Variants in GABRA3 observed in about 807,000 individuals in gnomAD.
GABRA3 encodes gamma-aminobutyric acid receptor subunit alpha-3.
Under a neutral mutation model 30.1 loss-of-function variants are expected in GABRA3, and 10 were observed. That is an observed-to-expected ratio of 0.33 (90% confidence interval 0.20 to 0.56). The LOEUF is 0.56. Ranked by LOEUF, GABRA3 falls within the 20% of genes least tolerant of loss-of-function variation. The probability of loss-of-function intolerance (pLI) is 0.89; values close to 1 mark genes in which losing one functional copy is unlikely to be tolerated. For synonymous variants in GABRA3, 151 were observed against 146.8 expected (o/e 1.03, Z -0.21); for missense variants, 233 against 392.0 (o/e 0.59, Z 3.42).
chrX:152,440,544 A>T (rs1187374066), intron 1 of GABRA3, among the ~76,000 whole-genome samples: 1 of 112,389 alleles, frequency 8.9e-6, no homozygotes, highest in Admixed American at 9.4e-5. Context: ...ATTTTAAATC[A>T]TGCTACTATA....
chrX:152,279,028 A>C (rs1467037465), intron 4 of GABRA3, among the ~76,000 whole-genome samples: 1 of 111,652 alleles, frequency 9.0e-6, no homozygotes, highest in East Asian at 2.8e-4. Flanking sequence ...TCAGATGAGT[A>C]GATTTCAAAA....
At chrX:152,238,678 A>T (rs1344642657) in intron 5 of GABRA3, among the ~76,000 whole-genome samples, 32 of 108,561 alleles carry the variant, frequency 2.9e-4, no homozygotes, top group Admixed American at 1.2e-3. Flanking sequence ...AGCTCCTGTT[A>T]TTGGTCTATT....
chrX:152,174,290 C>T (rs1937043237), intron 9 of GABRA3, among the ~76,000 whole-genome samples: 1 of 111,418 alleles, frequency 9.0e-6, no homozygotes, highest in Non-Finnish European at 1.9e-5. Context: ...ATTTATAGTC[C>T]TTTGCGTATA....
chrX:152,241,360 G>A (rs1420416509), intron 5 of GABRA3, among the ~76,000 whole-genome samples: 4 of 93,888 alleles, frequency 4.3e-5, no homozygotes, highest in Non-Finnish European at 4.8e-5. Context: ...CAGTCTGCCG[G>A]TTCTCAGATC....
chrX:152,416,751 C>A (rs1294979432), intron 1 of GABRA3, among the ~76,000 whole-genome samples: 48 of 110,689 alleles, frequency 4.3e-4, no homozygotes, highest in African/African-American at 1.5e-3. Context: ...CTTTGACAAA[C>A]CTGAGAAAAA....
chrX:152,224,219 C>A (rs1937894805), intron 6 of GABRA3, among the ~76,000 whole-genome samples: 1 of 111,991 alleles, frequency 8.9e-6, no homozygotes, highest in African/African-American at 3.2e-5. Flanking sequence ...TTTTCTAATT[C>A]ATTTGAAAAT....
intron 9 of GABRA3, among the ~76,000 whole-genome samples, chrX:152,185,800 C>A (rs1937245594): frequency 8.9e-6 from 1 of 112,144 alleles, no homozygotes; most frequent in South Asian, 3.7e-4. Context: ...TGAGCTTTTC[C>A]AGAGTTGTAG....
chrX:152,258,426 G>A (rs1938674242), intron 4 of GABRA3, among the ~76,000 whole-genome samples: 1 of 111,520 alleles, frequency 9.0e-6, no homozygotes, highest in Non-Finnish European at 1.9e-5. Flanking sequence ...ATAGTACTAT[G>A]AAGGATAAAA....
chrX:152,304,726 T>C (rs1032075409), intron 3 of GABRA3, among the ~76,000 whole-genome samples: 2 of 112,270 alleles, frequency 1.8e-5, no homozygotes, highest in Non-Finnish European at 3.8e-5. Flanking sequence ...AATAGGCTAA[T>C]GTGATGCCTC....
intron 8 of GABRA3, among the ~76,000 whole-genome samples, chrX:152,192,526 A>ATAT (rs1020573890): frequency 2.1e-4 from 23 of 110,815 alleles, no homozygotes; most frequent in African/African-American, 6.2e-4. Context: ...ATTATTAAAT[A>ATAT]TATTATTATT....
At chrX:152,369,274 T>C (rs1928758091) in intron 1 of GABRA3, among the ~76,000 whole-genome samples, 1 of 111,775 alleles carries the variant, frequency 8.9e-6, no homozygotes, top group Non-Finnish European at 1.9e-5. Context: ...ATATGCTAAT[T>C]AGCTGGATTT....
intron 3 of GABRA3, among the ~76,000 whole-genome samples, chrX:152,336,016 G>A (rs993210799): frequency 9.0e-6 from 1 of 111,419 alleles, no homozygotes; most frequent in Non-Finnish European, 1.9e-5. Flanking sequence ...CCAGCATCCT[G>A]CCAATTTCAA....
intron 1 of GABRA3, among the ~76,000 whole-genome samples, chrX:152,443,140 G>T (rs968715921): frequency 9.9e-5 from 11 of 111,296 alleles, no homozygotes; most frequent in Middle Eastern, 4.3e-3. Flanking sequence ...AACATACATT[G>T]CCCATACAAA....
chrX:152,383,636 G>T (rs1279567389), intron 1 of GABRA3, among the ~76,000 whole-genome samples: 9 of 105,430 alleles, frequency 8.5e-5, no homozygotes, highest in Non-Finnish European at 1.6e-4. Flanking sequence ...AAATCCCTAC[G>T]ATCATCTCAA....
At chrX:152,183,389 A>G (rs1603201528) in intron 9 of GABRA3, among the ~76,000 whole-genome samples, 2 of 110,452 alleles carry the variant, frequency 1.8e-5, no homozygotes, top group African/African-American at 6.6e-5. Flanking sequence ...TTTTTCTGTG[A>G]TAACAGTTGT....
intron 1 of GABRA3, among the ~76,000 whole-genome samples, chrX:152,404,034 A>T (rs1929864944): frequency 9.0e-6 from 1 of 111,360 alleles, no homozygotes; most frequent in Non-Finnish European, 1.9e-5. Context: ...CAGCAGTATC[A>T]TGGAGTTTGG....
chrX:152,309,499 AT>A (rs1385253147), intron 3 of GABRA3, among the ~76,000 whole-genome samples: 2 of 105,007 alleles, frequency 1.9e-5, no homozygotes, highest in Non-Finnish European at 3.9e-5. Flanking sequence ...CATATTCAGC[AT>A]CATAAAAGAG....
intron 2 of GABRA3, among the ~76,000 whole-genome samples, chrX:152,347,255 C>A (rs898623623): frequency 1.8e-5 from 2 of 111,608 alleles, no homozygotes; most frequent in Non-Finnish European, 3.8e-5. Flanking sequence ...ACAAAAATTG[C>A]ATGCTGTCAT....
At chrX:152,293,614 TAAC>T (rs1309946650) in intron 3 of GABRA3, among the ~76,000 whole-genome samples, 1 of 111,894 alleles carries the variant, frequency 8.9e-6, no homozygotes, top group African/African-American at 3.3e-5. Flanking sequence ...ATAATAACAA[TAAC>T]AACTGTTATT....
Sources: allele counts gnomAD v4.1 joint callset (sites outside exome capture counted in the v4.1 genomes callset), GRCh38; gene constraint gnomAD v4.1.1; transcripts MANE v1.5; gene names NCBI Gene and HGNC (gene_info 2026-07-23, HGNC 2026-07-21).